IL1RAPL2: variants seen among roughly 807,000 people sequenced by gnomAD.
IL1RAPL2 encodes X-linked interleukin-1 receptor accessory protein-like 2.
A neutral mutation model predicts 44.1 loss-of-function variants in IL1RAPL2; 3 were observed. The observed-to-expected ratio is 0.07, with a 90% confidence interval of 0.03 to 0.18. The LOEUF (loss-of-function observed/expected upper bound fraction) is 0.18. Ranked by LOEUF, IL1RAPL2 falls within the 10% of genes least tolerant of loss-of-function variation. The pLI is 1.00. For missense variants in IL1RAPL2, 391 were observed against 496.4 expected (o/e 0.79, Z 2.02); for synonymous variants, 181 against 178.8 (o/e 1.01, Z -0.10).
intron 2 of IL1RAPL2, among the ~76,000 whole-genome samples, chrX:104,895,163 G>T (rs747375781): frequency 0.14 from 408 of 3,001 alleles, no homozygotes; most frequent in Admixed American, 0.21. Context: ...TCTCAGAGGG[G>T]TACCTGGCCA....
chrX:104,845,045 T>C (rs1284086984), intron 2 of IL1RAPL2, among the ~76,000 whole-genome samples: 1 of 111,986 alleles, frequency 8.9e-6, no homozygotes, highest in East Asian at 2.8e-4. Flanking sequence ...GACATAATCT[T>C]CTAATCTCTT....
At chrX:104,889,331 A>G (rs965595590) in intron 2 of IL1RAPL2, among the ~76,000 whole-genome samples, 1 of 111,910 alleles carries the variant, frequency 8.9e-6, no homozygotes, top group East Asian at 2.8e-4. Context: ...ATGGGAAAAT[A>G]GAACACAGGG....
intron 5 of IL1RAPL2, among the ~76,000 whole-genome samples, chrX:105,390,293 A>C (rs1228841813): frequency 9.0e-6 from 1 of 111,253 alleles, no homozygotes; most frequent in African/African-American, 3.3e-5. Context: ...CCTCCCTCCT[A>C]TTGCCAATCG....
chrX:104,740,553 T>C (rs762959214), intron 2 of IL1RAPL2, among the ~76,000 whole-genome samples: 18 of 111,079 alleles, frequency 1.6e-4, no homozygotes, highest in African/African-American at 5.2e-4. Context: ...AAGTCTGTGA[T>C]ATTATGAAAA....
At chrX:104,879,985 G>T (rs1238286199) in intron 2 of IL1RAPL2, among the ~76,000 whole-genome samples, 1 of 111,317 alleles carries the variant, frequency 9.0e-6, no homozygotes, top group Non-Finnish European at 1.9e-5. Context: ...TGTGAAAAGT[G>T]GGGGAGTGTG....
At chrX:105,077,710 T>C (rs959548430) in intron 2 of IL1RAPL2, among the ~76,000 whole-genome samples, 1 of 111,987 alleles carries the variant, frequency 8.9e-6, no homozygotes, top group African/African-American at 3.2e-5. Flanking sequence ...TCGTTTCACA[T>C]AGTCCCATAT....
chrX:104,908,848 C>T (rs1451977246), intron 2 of IL1RAPL2, among the ~76,000 whole-genome samples: 2 of 110,696 alleles, frequency 1.8e-5, no homozygotes, highest in Non-Finnish European at 3.8e-5. Flanking sequence ...TGAATGTTGG[C>T]CTGCCTTGCT....
At chrX:105,586,715 G>T (rs377759446) in intron 6 of IL1RAPL2, among the ~76,000 whole-genome samples, 4 of 112,067 alleles carry the variant, frequency 3.6e-5, no homozygotes, top group South Asian at 7.4e-4. Flanking sequence ...TTGGTGGTTG[G>T]TTCTTTTTTT....
intron 1 of IL1RAPL2, among the ~76,000 whole-genome samples, chrX:104,616,702 G>T (rs1929286941): frequency 8.9e-6 from 1 of 111,753 alleles, no homozygotes. Flanking sequence ...AGTACAGGAA[G>T]ATAGCTTCGA....
chrX:105,680,903 A>AC (rs1433423082), intron 6 of IL1RAPL2, among the ~76,000 whole-genome samples: 1 of 111,753 alleles, frequency 8.9e-6, no homozygotes, highest in Non-Finnish European at 1.9e-5. Flanking sequence ...GGAAATGAGG[A>AC]CCCCCAAAAC....
At chrX:105,092,918 T>C (rs781446522) in intron 2 of IL1RAPL2, among the ~76,000 whole-genome samples, 1 of 110,375 alleles carries the variant, frequency 9.1e-6, no homozygotes, top group African/African-American at 3.3e-5. Context: ...TATAACCCTA[T>C]ACATAGAATA....
chrX:104,664,218 C>T lies in IL1RAPL2; in HGVS notation c.82+5223C>T, dbSNP rs73635153. On this transcript the variant is annotated intron_variant, in intron 2 of 10. Transcript: ENST00000372582. ...ATTATCAACTCTGTAGTGGTCGTTC[C>T]GCAATGATAAGCCTTTGGCAGTCTT... 2.6e-3 allele frequency among the ~76,000 whole-genome samples: 288 copies of T among 111,256 alleles called. 1 individual carries two copies. The highest frequency in any genetic ancestry group is 8.3e-3 in the African/African-American group (253 of 30,629).
chrX:105,457,416 C>A (rs955956923), intron 5 of IL1RAPL2, among the ~76,000 whole-genome samples: 10 of 109,810 alleles, frequency 9.1e-5, no homozygotes, highest in Non-Finnish European at 1.9e-5. Flanking sequence ...TTTTCCATTC[C>A]CCCTCAGCCT....
intron 2 of IL1RAPL2, among the ~76,000 whole-genome samples, chrX:104,939,431 C>A (rs1271284366): frequency 9.9e-5 from 11 of 111,261 alleles, no homozygotes; most frequent in Non-Finnish European, 2.1e-4. Context: ...ACCTAGAGAT[C>A]TCGATTTATT....
At chrX:105,637,735 A>G (rs1342591957) in intron 6 of IL1RAPL2, among the ~76,000 whole-genome samples, 2 of 108,339 alleles carry the variant, frequency 1.8e-5, no homozygotes, top group African/African-American at 6.7e-5. Flanking sequence ...AGGAAAGACT[A>G]TGGTTAGACA....
chrX:105,102,126 T>C lies in IL1RAPL2; in HGVS notation c.83-93349T>C, dbSNP rs1433677272. ...TCGAGAGTAGTCATGCAGAAAGTGGTAAATTATACATTTAGCTGGGCCCAA... is the reference window on the plus strand; with the variant it reads ...TCGAGAGTAGTCATGCAGAAAGTGGCAAATTATACATTTAGCTGGGCCCAA... On this transcript the variant is annotated intron_variant, in intron 2 of 10. Coordinates refer to ENST00000372582, the MANE Select transcript of IL1RAPL2 (RefSeq NM_017416.2). 1.9e-4 allele frequency among the ~76,000 whole-genome samples: 21 copies of C among 111,952 alleles called. No homozygotes were observed. The Admixed American group carries it at 2.0e-3, about 11-fold the overall frequency.
chrX:104,732,485 C>A (rs914507399), intron 2 of IL1RAPL2, among the ~76,000 whole-genome samples: 4 of 111,634 alleles, frequency 3.6e-5, no homozygotes, highest in Admixed American at 9.5e-5. Context: ...GTAACAATAT[C>A]TTGAAAAACT....
chrX:105,060,816 T>C (rs2032066006), intron 2 of IL1RAPL2, among the ~76,000 whole-genome samples: 1 of 110,476 alleles, frequency 9.1e-6, no homozygotes, highest in African/African-American at 3.3e-5. Flanking sequence ...TTCTTCTAGA[T>C]TTTTTAATTT....
intron 2 of IL1RAPL2, among the ~76,000 whole-genome samples, chrX:104,890,728 T>G (rs1923405296): frequency 8.9e-6 from 1 of 112,131 alleles, no homozygotes; most frequent in Middle Eastern, 4.6e-3. Context: ...ATTGCAAAAA[T>G]TTTATTCCAT....
Sources: allele counts gnomAD v4.1 joint callset (sites outside exome capture counted in the v4.1 genomes callset), GRCh38; gene constraint gnomAD v4.1.1; transcripts MANE v1.5; gene names NCBI Gene and HGNC (gene_info 2026-07-23, HGNC 2026-07-21).